Variants in CNTNAP2 observed in about 807,000 individuals in gnomAD.
CNTNAP2 encodes contactin associated protein 2.
In CNTNAP2, 98 loss-of-function variants were observed where a neutral mutation model predicts 155.2. The ratio of observed to expected loss-of-function variants is 0.63; its 90% CI spans 0.54 to 0.75. CNTNAP2 has a LOEUF of 0.75. Among genes scored for constraint, CNTNAP2 ranks in the 30% least tolerant of loss-of-function variants. The pLI, the probability that CNTNAP2 is intolerant of heterozygous loss-of-function variation, is 0.00. For missense variants in CNTNAP2, 1,727 were observed against 1,688.1 expected, an observed-to-expected ratio of 1.02 and a Z score of -0.40; for synonymous variants, 651 against 631.2, an observed-to-expected ratio of 1.03 and a Z score of -0.47.
intron 1 of CNTNAP2, among the ~76,000 whole-genome samples, chr7:146,146,507 A>G (rs948444889): frequency 6.6e-6 from 1 of 152,130 alleles, no homozygotes; most frequent in Non-Finnish European, 1.5e-5. Context: ...GATTTGCCAC[A>G]TTATTTGCCT....
chr7:147,345,164 G>T (rs983801286), intron 9 of CNTNAP2, among the ~76,000 whole-genome samples: 1 of 151,918 alleles, frequency 6.6e-6, no homozygotes, highest in African/African-American at 2.4e-5. Context: ...TCATATTTAC[G>T]CTGAATTATA....
intron 9 of CNTNAP2, among the ~76,000 whole-genome samples, chr7:147,373,665 T>G (rs1796386019): frequency 6.6e-6 from 1 of 152,076 alleles, no homozygotes; most frequent in Non-Finnish European, 1.5e-5. Context: ...AGTAAATAGA[T>G]AATACTGTGG....
At chr7:148,210,127 T>C (rs1795518599) in intron 18 of CNTNAP2, among the ~76,000 whole-genome samples, 1 of 151,020 alleles carries the variant, frequency 6.6e-6, no homozygotes, top group Non-Finnish European at 1.5e-5. Context: ...AGGTTCAGGG[T>C]AGGGGGGCCT....
Position 146,470,134 on chromosome 7 carries a change from C to T in CNTNAP2, c.98-304137C>T, listed in dbSNP as rs556489931. 1.7e-3 allele frequency among the ~76,000 whole-genome samples: 257 copies of T among 152,206 alleles called. 1 individual carries two copies. The highest frequency in any genetic ancestry group is 5.9e-3 in the African/African-American group (245 of 41,538). Reference sequence around the variant, plus strand: ...GATTACAGGCGTGAGCCACTGCGCGCGGCCTTAATTGACTTTTAAACTAAT... The same window carrying T: ...GATTACAGGCGTGAGCCACTGCGCGTGGCCTTAATTGACTTTTAAACTAAT... On this transcript the variant is annotated intron_variant, in intron 1 of 23. Transcript: ENST00000361727.
chr7:147,884,396 C>T (rs1262880716), intron 13 of CNTNAP2, among the ~76,000 whole-genome samples: 1 of 151,856 alleles, frequency 6.6e-6, no homozygotes, highest in East Asian at 1.9e-4. Context: ...TCAAATTATT[C>T]ATCCAGAGTT....
At chr7:147,360,592 A>G (rs2116894897) in intron 9 of CNTNAP2, among the ~76,000 whole-genome samples, 1 of 152,020 alleles carries the variant, frequency 6.6e-6, no homozygotes, top group African/African-American at 2.4e-5. Context: ...CACTCTTTAT[A>G]TATCCTCAGT....
At chr7:147,446,299 T>TA (rs1797739140) in intron 10 of CNTNAP2, among the ~76,000 whole-genome samples, 1 of 152,048 alleles carries the variant, frequency 6.6e-6, no homozygotes, top group Admixed American at 6.5e-5. Context: ...TAATTCCACT[T>TA]ATGCCATTGC....
intron 1 of CNTNAP2, among the ~76,000 whole-genome samples, chr7:146,563,976 T>C (rs1798319229): frequency 6.6e-6 from 1 of 152,118 alleles, no homozygotes; most frequent in Non-Finnish European, 1.5e-5. Flanking sequence ...ATTCTTGTAT[T>C]TCCCCTCTCA....
chr7:148,295,780 C>T (rs565189115), intron 21 of CNTNAP2, among the ~76,000 whole-genome samples: 1 of 151,948 alleles, frequency 6.6e-6, no homozygotes, highest in Non-Finnish European at 1.5e-5. Flanking sequence ...CATGAGCCAA[C>T]GCGCCCGGCC....
intron 9 of CNTNAP2, among the ~76,000 whole-genome samples, chr7:147,308,804 A>T (rs951104095): frequency 6.6e-6 from 1 of 152,184 alleles, no homozygotes; most frequent in African/African-American, 2.4e-5. Context: ...GTTCTCAGTC[A>T]GTTCCGAAAT....
At chr7:148,018,673 T>A (rs113878061) in intron 15 of CNTNAP2, among the ~76,000 whole-genome samples, 3,350 of 152,256 alleles carry the variant, frequency 0.022, 64 homozygotes, top group Non-Finnish European at 0.03. Context: ...CAAGGGTCAC[T>A]CCCGGATACA....
rs1795408684 is a variant in CNTNAP2 at position 147,648,895 on chromosome 7, G to A, written c.2098+9589G>A. On this transcript the variant is annotated intron_variant, in intron 13 of 23. Coordinates refer to ENST00000361727, the MANE Select transcript of CNTNAP2 (RefSeq NM_014141.6). ...CTTTCTGACACACTGAAGAAACTGT[G>A]AACATGGAGAAGTCAATGCTTGGCC... is the stretch of plus-strand genomic sequence containing the variant. Among the ~76,000 whole-genome samples, 6 of 152,152 alleles carry A rather than the reference G, an allele frequency of 3.9e-5. 1 individual carries two copies. The highest frequency in any genetic ancestry group is 3.9e-4 in the Admixed American group (6 of 15,276).
chr7:147,296,910 A>T (rs541203286), intron 8 of CNTNAP2, among the ~76,000 whole-genome samples: 1 of 152,256 alleles, frequency 6.6e-6, no homozygotes, highest in South Asian at 2.1e-4. Context: ...TCCTCTTTCT[A>T]CATCATTGGA....
rs1369930844 is a variant in CNTNAP2 at position 146,939,802 on chromosome 7, T to C, written c.402+99898T>C. 6.6e-5 allele frequency among the ~76,000 whole-genome samples: 10 copies of C among 152,180 alleles called. No homozygotes were observed. In the South Asian group the frequency reaches 8.3e-4, roughly 13 times the overall value. On this transcript the variant is annotated intron_variant, in intron 3 of 23. Coordinates refer to ENST00000361727, the MANE Select transcript of CNTNAP2 (RefSeq NM_014141.6). Reference sequence around the variant, plus strand: ...AGCACCTACAAAAAAACTAAAGGAATAAAATGGAAATGCAAGGGAAACCAA... The same window carrying C: ...AGCACCTACAAAAAAACTAAAGGAACAAAATGGAAATGCAAGGGAAACCAA...
intron 3 of CNTNAP2, among the ~76,000 whole-genome samples, chr7:146,945,266 A>G (rs1351768700): frequency 6.6e-6 from 1 of 152,144 alleles, no homozygotes; most frequent in Non-Finnish European, 1.5e-5. Flanking sequence ...GCCATGTTTT[A>G]TGTTCTAATG....
chr7:147,188,832 GA>G (rs1211679124), intron 8 of CNTNAP2, among the ~76,000 whole-genome samples: 5 of 151,904 alleles, frequency 3.3e-5, no homozygotes, highest in East Asian at 1.9e-4. Context: ...TTTAAAAATT[GA>G]AAAAAATGTG....
chr7:147,011,275 G>T (rs984897823), intron 3 of CNTNAP2, among the ~76,000 whole-genome samples: 1 of 151,714 alleles, frequency 6.6e-6, no homozygotes, highest in Non-Finnish European at 1.5e-5. Context: ...TTAGCTTGAC[G>T]TGGTGACACA....
chr7:147,936,300 A>T (rs202034550), intron 14 of CNTNAP2, among the ~76,000 whole-genome samples: 8 of 147,912 alleles, frequency 5.4e-5, no homozygotes, highest in South Asian at 4.2e-4. Context: ...CATTTATTTT[A>T]TTTTTTTTTT....
At chr7:147,347,463 T>TGC (rs1341274801) in intron 9 of CNTNAP2, among the ~76,000 whole-genome samples, 56 of 67,808 alleles carry the variant, frequency 8.3e-4, no homozygotes, top group African/African-American at 1.8e-3. Flanking sequence ...TATGCATATA[T>TGC]ATATATATAT....
Sources: allele counts gnomAD v4.1 joint callset (sites outside exome capture counted in the v4.1 genomes callset), GRCh38; gene constraint gnomAD v4.1.1; transcripts MANE v1.5; gene names NCBI Gene and HGNC (gene_info 2026-07-23, HGNC 2026-07-21).